Variants in PLCG2 observed in about 807,000 individuals in gnomAD.
The protein encoded by PLCG2 is phospholipase C gamma 2, also known as 1-phosphatidylinositol 4,5-bisphosphate phosphodiesterase gamma-2.
In PLCG2, 69 loss-of-function variants were observed where a neutral mutation model predicts 175.6. The ratio of observed to expected loss-of-function variants is 0.39; its 90% confidence interval spans 0.32 to 0.48. PLCG2 has a LOEUF of 0.48. Among genes scored for constraint, PLCG2 ranks in the 20% least tolerant of loss-of-function variants. The pLI is 0.91. For synonymous variants in PLCG2, 827 were observed against 624.0 expected (o/e 1.33, Z -4.85); for missense variants, 1,798 against 1,650.9 (o/e 1.09, Z -1.54).
In PLCG2 at chr16:81,955,856, A is replaced by C. The variant is rs187938074; in HGVS notation, c.3571-839A>C. Among the ~76,000 whole-genome samples, 8 of 152,340 alleles carry C rather than the reference A, an allele frequency of 5.3e-5. No individual in the cohort carries two copies. In the East Asian group the frequency reaches 1.5e-3, roughly 29 times the overall value. The stretch of plus-strand genomic sequence containing the variant: ...AGGTGAGGCACATGCCCATCTCTGC[A>C]AGATGTAATTTATGATACCTTGGCT... On this transcript the variant is annotated intron_variant, in intron 31 of 32. Coordinates refer to ENST00000564138, the MANE Select transcript of PLCG2 (RefSeq NM_002661.5).
In PLCG2 at chr16:81,805,924, G is replaced by T. The variant is rs2143272333; in HGVS notation, c.193+19742G>T. Reference sequence around the variant, plus strand: ...TGAGTAGCTGGGATTACAGGTGTGAGCCACTGTACGCAGTCATGTGTGTAG... The same window carrying T: ...TGAGTAGCTGGGATTACAGGTGTGATCCACTGTACGCAGTCATGTGTGTAG... On this transcript the variant is annotated intron_variant, in intron 2 of 32. Transcript: ENST00000564138. Among the ~76,000 whole-genome samples the T allele has an allele frequency of 1.3e-5, 2 of 151,926 alleles. 1 individual carries two copies. Among genetic ancestry groups the T allele is most frequent in the South Asian group, 4.2e-4 (2 of 4,810 alleles).
intron 2 of PLCG2, among the ~76,000 whole-genome samples, chr16:81,802,663 C>T (rs922800638): frequency 1.3e-5 from 2 of 151,324 alleles, no homozygotes; most frequent in Admixed American, 6.6e-5. Flanking sequence ...CCTCTGCCTC[C>T]CAGGTTCAAG....
intron 18 of PLCG2, among the ~76,000 whole-genome samples, chr16:81,911,425 G>T (rs932779564): frequency 6.6e-6 from 1 of 152,098 alleles, no homozygotes; most frequent in Non-Finnish European, 1.5e-5. Context: ...GGTTTGGGCT[G>T]CTTGGGTGGA....
intron 22 of PLCG2, among the ~76,000 whole-genome samples, chr16:81,924,209 G>T (rs1476050618): frequency 1.3e-5 from 2 of 152,226 alleles, no homozygotes; most frequent in Non-Finnish European, 2.9e-5. Flanking sequence ...CCACTGATAG[G>T]TTTCTGGGGA....
Position 81,900,744 on chromosome 16 carries a change from C to T in PLCG2, c.1326C>T (p.Pro442=). ...CGGAGGCCAGTGCTGACCAGCTGCCCTCGCCCAGCCAGCTGCGGGAGAAGA... is the reference window on the plus strand; with the variant it reads ...CGGAGGCCAGTGCTGACCAGCTGCCTTCGCCCAGCCAGCTGCGGGAGAAGA... ...KPTEASADQL[P]SPSQLREKII... Residue 442 remains proline, a synonymous_variant, in exon 14 of 33, where the codon CCC becomes CCT. Transcript: ENST00000564138. 1 of 1,605,044 alleles carries T rather than the reference C, an allele frequency of 6.2e-7. No individual in the cohort carries two copies. The highest frequency in any genetic ancestry group is 8.5e-7 in the Non-Finnish European group (1 of 1,172,438).
chr16:81,792,643 G>A (rs1911291879), intron 2 of PLCG2, among the ~76,000 whole-genome samples: 1 of 152,180 alleles, frequency 6.6e-6, no homozygotes, highest in African/African-American at 2.4e-5. Flanking sequence ...GGAAGGAGAA[G>A]CCTTCTTCAC....
At chr16:81,947,327 T>A (rs1206789241) in intron 31 of PLCG2, among the ~76,000 whole-genome samples, 1 of 152,156 alleles carries the variant, frequency 6.6e-6, no homozygotes, top group East Asian at 1.9e-4. Context: ...TTTCTGAAAG[T>A]TTTCTTTAGT....
At chr16:81,856,140 C>T (rs1300635903) in intron 3 of PLCG2, among the ~76,000 whole-genome samples, 5 of 152,204 alleles carry the variant, frequency 3.3e-5, no homozygotes, top group African/African-American at 4.8e-5. Flanking sequence ...TCCATCTTCT[C>T]ACTTACTGGC....
chr16:81,892,199 G>A (rs969616533), intron 11 of PLCG2, among the ~76,000 whole-genome samples: 9 of 152,210 alleles, frequency 5.9e-5, no homozygotes, highest in South Asian at 2.1e-4. Flanking sequence ...CCAGGAGAGC[G>A]GTGTCAGGAG....
chr16:81,957,896 T>A, intron 32 of PLCG2, 60 bp from the exon 33 acceptor site: 1 of 1,414,868 alleles, frequency 7.1e-7, no homozygotes, highest in Non-Finnish European at 1.0e-6. Context: ...TGTTACAGAG[T>A]TCAGCACGCA....
At chr16:81,914,500 C>A (rs762407430) in intron 19 of PLCG2, among the ~76,000 whole-genome samples, 24 of 152,182 alleles carry the variant, frequency 1.6e-4, no homozygotes, top group Non-Finnish European at 2.2e-4. Context: ...GATTGCCTGA[C>A]TTACATACAC....
chr16:81,904,850 A>C (rs1338352051), intron 14 of PLCG2, among the ~76,000 whole-genome samples: 2 of 152,148 alleles, frequency 1.3e-5, no homozygotes, highest in Non-Finnish European at 2.9e-5. Context: ...TTGGGGCTAG[A>C]GAGTGGCAGG....
At chr16:81,864,124 A>G (rs1050323756) in intron 5 of PLCG2, among the ~76,000 whole-genome samples, 1 of 152,148 alleles carries the variant, frequency 6.6e-6, no homozygotes, top group Non-Finnish European at 1.5e-5. Context: ...ATGCACCGGA[A>G]TCCCCTGGAG....
chr16:81,865,085 A>G (rs1396847845), intron 5 of PLCG2, among the ~76,000 whole-genome samples: 1 of 152,156 alleles, frequency 6.6e-6, no homozygotes, highest in African/African-American at 2.4e-5. Context: ...CTGGGGAGTC[A>G]CAACCATGGC....
intron 6 of PLCG2, 141 bp from the exon 7 acceptor site, chr16:81,870,711 A>G (rs953665676): frequency 3.1e-5 from 15 of 477,682 alleles, no homozygotes; most frequent in Non-Finnish European, 5.5e-5. Context: ...TGACACTGAA[A>G]CAATGTGGTC....
intron 2 of PLCG2, among the ~76,000 whole-genome samples, chr16:81,843,684 T>G (rs1177232818): frequency 6.6e-6 from 1 of 152,226 alleles, no homozygotes; most frequent in African/African-American, 2.4e-5. Context: ...AATTAGGATA[T>G]TCTTCTATCC....
At chr16:81,767,075 A>G (rs962106828) in intron 2 of PLCG2, 2 of 148,490 alleles carry the variant, frequency 1.3e-5, no homozygotes, top group Non-Finnish European at 3.0e-5. Flanking sequence ...GATGTCATTC[A>G]TGCTGTTCCC....
chr16:81,959,528 T>C lies in PLCG2; in HGVS notation c.*1530T>C, dbSNP rs960635172. On this transcript the variant is annotated 3_prime_UTR_variant, in exon 33 of 33. Coordinates refer to ENST00000564138, the MANE Select transcript of PLCG2 (RefSeq NM_002661.5). ...CCTAAAAGAAAGCCATTTACCTCGC[T>C]TGAAGCCAGGAACACAGGGAACAGC... 1 of 208,870 alleles carries C rather than the reference T, an allele frequency of 4.8e-6. No individual in the cohort carries two copies. Among genetic ancestry groups the C allele is most frequent in the Non-Finnish European group, 9.7e-6 (1 of 102,598 alleles). 12.9% of individuals were successfully genotyped at this position (208,870 alleles called of 1,614,324 possible).
chr16:81,851,308 G>A (rs916900657), intron 2 of PLCG2, among the ~76,000 whole-genome samples: 1 of 152,120 alleles, frequency 6.6e-6, no homozygotes, highest in African/African-American at 2.4e-5. Flanking sequence ...CATGGTCGCT[G>A]GTGCAGTGCT....
Sources: allele counts gnomAD v4.1 joint callset (sites outside exome capture counted in the v4.1 genomes callset), GRCh38; gene constraint gnomAD v4.1.1; transcripts MANE v1.5; gene names NCBI Gene and HGNC (gene_info 2026-07-23, HGNC 2026-07-21).